Variants in MATN2 observed in about 807,000 individuals in gnomAD.
The protein encoded by MATN2 is matrilin 2.
Under a neutral mutation model 103.2 loss-of-function variants are expected in MATN2, and 69 were observed. The ratio of observed to expected loss-of-function variants is 0.67; its 90% CI spans 0.55 to 0.82. MATN2 has a LOEUF of 0.82. Ranked by LOEUF, MATN2 falls within the 40% of genes least tolerant of loss-of-function variation. MATN2 has a pLI of 0.00. For missense variants in MATN2, 1,023 were observed against 1,211.5 expected, an observed-to-expected ratio of 0.84 and a Z score of 2.31; for synonymous variants, 429 against 450.2, an observed-to-expected ratio of 0.95 and a Z score of 0.60.
At chr8:97,992,530 G>A (rs1415734987) in intron 6 of MATN2, among the ~76,000 whole-genome samples, 2 of 151,634 alleles carry the variant, frequency 1.3e-5, no homozygotes, top group Admixed American at 6.6e-5. Flanking sequence ...GGTGGATCAC[G>A]AGATCAGGAG....
chr8:97,883,753 A>G (rs1023956493), intron 1 of MATN2, among the ~76,000 whole-genome samples: 4 of 151,922 alleles, frequency 2.6e-5, no homozygotes, highest in Non-Finnish European at 4.4e-5. Context: ...ACGGGGTTTC[A>G]CCGTGTTAAC....
chr8:98,030,481 T>C lies in MATN2; in HGVS notation c.2376T>C (p.Val792=). The change falls in exon 15 of 19, where the codon GTT becomes GTC. Residue 792 remains valine (V), a synonymous_variant. Transcript: ENST00000254898. ...AKANGITMYA[V]GVGKAIEEEL... ...CCCTAGGTATCACTATGTATGCTGT[T>C]GGGGTAGGAAAAGCCATTGAGGAGG... The C allele has an allele frequency of 6.2e-7, 1 of 1,613,656 alleles. No homozygotes were observed. The highest frequency in any genetic ancestry group is 8.5e-7 in the Non-Finnish European group (1 of 1,179,766).
intron 2 of MATN2, 79 bp downstream of exon 2, chr8:97,888,321 G>A (rs1428817531): frequency 2.9e-6 from 4 of 1,362,500 alleles, no homozygotes; most frequent in Non-Finnish European, 3.8e-6. Context: ...ATTGGTGACT[G>A]TTTGAGAAGC....
intron 10 of MATN2, among the ~76,000 whole-genome samples, chr8:98,015,492 C>T (rs1367063856): frequency 6.6e-6 from 1 of 152,206 alleles, no homozygotes; most frequent in African/African-American, 2.4e-5. Flanking sequence ...TCCTGAAACA[C>T]ACCAACCAAG....
chr8:98,013,490 CA>C (rs1277297918), intron 10 of MATN2, among the ~76,000 whole-genome samples: 1 of 152,180 alleles, frequency 6.6e-6, no homozygotes, highest in African/African-American at 2.4e-5. Flanking sequence ...TTTTGTTCAA[CA>C]GGTCTTTCCT....
chr8:97,998,320 A>G (rs919308388), intron 7 of MATN2, among the ~76,000 whole-genome samples: 7 of 150,490 alleles, frequency 4.7e-5, no homozygotes, highest in African/African-American at 1.2e-4. Context: ...GGAGATCGAG[A>G]CCATCCTGGC....
chr8:97,916,803 C>A (rs1035850245), intron 2 of MATN2, among the ~76,000 whole-genome samples: 1 of 152,182 alleles, frequency 6.6e-6, no homozygotes, highest in Admixed American at 6.5e-5. Flanking sequence ...GGGCAGCTTT[C>A]ATTTTGGCTC....
At chr8:97,997,879 G>C (rs866654273) in intron 7 of MATN2, among the ~76,000 whole-genome samples, 3 of 150,650 alleles carry the variant, frequency 2.0e-5, no homozygotes, top group Middle Eastern at 3.4e-3. Flanking sequence ...GAGTGCAGTG[G>C]AGCAATCTTG....
chr8:98,023,609 T>C (rs572359077), intron 13 of MATN2, among the ~76,000 whole-genome samples: 2 of 152,252 alleles, frequency 1.3e-5, no homozygotes, highest in South Asian at 4.1e-4. Flanking sequence ...AGGTTGAGGC[T>C]ACAGTGAGTT....
Position 98,027,838 on chromosome 8 carries a change from G to A in MATN2, c.2356+9G>A, listed in dbSNP as rs1328588130. On this transcript the variant is annotated intron_variant, in intron 14 of 18. Coordinates refer to ENST00000254898, the MANE Select transcript of MATN2 (RefSeq NM_002380.5). ...TAAAGCCAAGGCCAATGGTAATATG[G>A]GGTGGAGGTGCGGTTTACACCACTC... The A allele has an allele frequency of 3.2e-6, 5 of 1,546,780 alleles. No homozygotes were observed. Among genetic ancestry groups the A allele is most frequent in the Non-Finnish European group, 2.6e-6 (3 of 1,149,626 alleles).
At position 97,905,723 on chromosome 8, in the gene MATN2, C is replaced by T. The variant is rs60295600; in HGVS notation, c.142+17481C>T. Among the ~76,000 whole-genome samples the T allele has an allele frequency of 3.3e-3, 495 of 152,188 alleles. 2 individuals are homozygous for T. Among genetic ancestry groups the T allele is most frequent in the African/African-American group, 0.011 (459 of 41,530 alleles). On this transcript the variant is annotated intron_variant, in intron 2 of 18. Transcript: ENST00000254898. Reference sequence around the variant, plus strand: ...TATCACCCAGGCTGCAGAGCAGTGGCGTGATCCGGGCTCACTGCAACCTTG... The same window carrying T: ...TATCACCCAGGCTGCAGAGCAGTGGTGTGATCCGGGCTCACTGCAACCTTG...
chr8:98,016,789 C>A, intron 11 of MATN2, 127 bp downstream of exon 11: 3 of 1,096,534 alleles, frequency 2.7e-6, no homozygotes, highest in Non-Finnish European at 4.0e-6. Context: ...AATGTAGTGT[C>A]CTGGATAGGA....
chr8:97,948,543 T>G (rs1194626367), intron 4 of MATN2, among the ~76,000 whole-genome samples: 2 of 152,238 alleles, frequency 1.3e-5, no homozygotes, highest in Non-Finnish European at 2.9e-5. Context: ...ATAACCCATA[T>G]GTATGTGGTG....
chr8:97,985,376 C>T (rs936177543), intron 6 of MATN2, among the ~76,000 whole-genome samples: 1 of 152,176 alleles, frequency 6.6e-6, no homozygotes, highest in Non-Finnish European at 1.5e-5. Flanking sequence ...GCCCCGCCTC[C>T]AACACTGTGG....
At chr8:97,923,535 TTC>T (rs35773325) in intron 2 of MATN2, among the ~76,000 whole-genome samples, 96,222 of 148,134 alleles carry the variant, frequency 0.65, 31,551 homozygotes, top group East Asian at 0.91. Context: ...AGCCACTCAC[TTC>T]TCTCTCTCTC....
At chr8:97,913,295 T>G (rs10108176) in intron 2 of MATN2, among the ~76,000 whole-genome samples, 21,630 of 151,544 alleles carry the variant, frequency 0.14, 1,752 homozygotes, top group Non-Finnish European at 0.18. Flanking sequence ...CAAGTGCCAA[T>G]GGACATGGAC....
chr8:97,877,488 C>CT (rs77059679), intron 1 of MATN2, among the ~76,000 whole-genome samples: 452 of 142,644 alleles, frequency 3.2e-3, no homozygotes, highest in African/African-American at 8.1e-3. Context: ...AAAAAAAAAA[C>CT]TTTTTTTTTT....
intron 4 of MATN2, among the ~76,000 whole-genome samples, chr8:97,960,812 T>C (rs1244104812): frequency 6.6e-6 from 1 of 152,154 alleles, no homozygotes; most frequent in Admixed American, 6.5e-5. Context: ...ATGTGTTTTT[T>C]TTATGTTATT....
intron 7 of MATN2, among the ~76,000 whole-genome samples, chr8:98,000,907 A>G (rs1398151852): frequency 6.6e-6 from 1 of 152,190 alleles, no homozygotes; most frequent in Non-Finnish European, 1.5e-5. Flanking sequence ...GGTCCTGTAG[A>G]AAGAACTGAC....
Sources: gnomAD v4.1 joint callset for allele counts (sites outside exome capture counted in the v4.1 genomes callset) on GRCh38, gnomAD v4.1.1 for gene constraint, MANE v1.5 for transcripts, NCBI Gene and HGNC (gene_info 2026-07-23, HGNC 2026-07-21) for gene names.